Variants in CCDC141 observed in about 807,000 individuals in gnomAD.
CCDC141 encodes coiled-coil domain-containing protein 141.
A neutral mutation model predicts 181.0 loss-of-function variants in CCDC141; 168 were observed. That is an observed-to-expected ratio of 0.93 (90% CI 0.82 to 1.05). The LOEUF is 1.05. CCDC141 is among the 50% of genes least tolerant of loss of function. The probability of loss-of-function intolerance (pLI) is 0.00; values close to 1 mark genes in which losing one functional copy is unlikely to be tolerated. For missense variants in CCDC141, 1,902 were observed against 1,788.5 expected, an observed-to-expected ratio of 1.06 and a Z score of -1.14; for synonymous variants, 666 against 642.3, an observed-to-expected ratio of 1.04 and a Z score of -0.56.
chr2:178,834,116 C>T lies in CCDC141; in HGVS notation c.*57G>A, dbSNP rs370719611. On this transcript the variant is annotated 3_prime_UTR_variant, in exon 24 of 24. Transcript: ENST00000443758. ...TTTGCAGGAGGTGCAGGAAGATAAA[C>T]GGCGGCACTTTTCTTTAGGCACATG... The T allele has an allele frequency of 4.6e-5, 69 of 1,502,678 alleles. No homozygotes were observed. Among genetic ancestry groups the T allele is most frequent in the African/African-American group, 1.1e-4 (8 of 72,186 alleles). The allele number at this position is 1,502,678 out of a possible 1,614,324, so 93.1% of individuals were successfully genotyped here.
intron 2 of CCDC141, among the ~76,000 whole-genome samples, chr2:179,026,150 G>A (rs2042837188): frequency 6.6e-6 from 1 of 152,202 alleles, no homozygotes; most frequent in African/African-American, 2.4e-5. Flanking sequence ...TAAGTAATGA[G>A]GGGCCAAATG....
rs757976968 is a variant in CCDC141 at position 178,837,110 on chromosome 2, G to A, written c.4109C>T (p.Ser1370Leu). ...DRLHASSDAF[S>L]GLRFQSGTSR... ...GGTGCCTGATTGAAACCTGAGGCCCGAGAATGCATCAGAGGAAGCATGCAG... is the reference window on the plus strand; with the variant it reads ...GGTGCCTGATTGAAACCTGAGGCCCAAGAATGCATCAGAGGAAGCATGCAG... Residue 1370 changes from serine (S) to leucine (L), a missense_variant, in exon 23 of 24, where the codon TCG (serine) becomes TTG (leucine). By Grantham distance (145) the Ser-to-Leu change is moderately radical (BLOSUM62 -2). Transcript: ENST00000443758. 4.3e-5 allele frequency: 69 copies of A among 1,613,774 alleles called. No individual in the cohort carries two copies. The highest frequency in any genetic ancestry group is 5.7e-5 in the Non-Finnish European group (67 of 1,179,936).
intron 2 of CCDC141, among the ~76,000 whole-genome samples, chr2:179,041,591 A>T (rs139460522): frequency 4.7e-4 from 71 of 149,710 alleles, no homozygotes; most frequent in African/African-American, 1.6e-3. Context: ...ATGTAAATGG[A>T]AATGCCCCAA....
chr2:178,822,085 T>G, the CCDC141 span, among the ~76,000 whole-genome samples: 6 of 151,828 alleles, frequency 4.0e-5, no homozygotes, highest in Admixed American at 6.6e-5. Context: ...CCATAAAAAA[T>G]GATGAGTTCA....
intron 2 of CCDC141, among the ~76,000 whole-genome samples, chr2:179,018,163 G>A (rs952593416): frequency 1.3e-5 from 2 of 152,028 alleles, no homozygotes; most frequent in Admixed American, 6.6e-5. Context: ...TTTTATAGAC[G>A]TTGCACCACC....
intron 5 of CCDC141, among the ~76,000 whole-genome samples, chr2:178,949,880 CAAG>C (rs1479441892): frequency 6.6e-6 from 1 of 152,216 alleles, no homozygotes; most frequent in Non-Finnish European, 1.5e-5. Flanking sequence ...ACTCAGGCGG[CAAG>C]AAGGTGAACT....
chr2:179,033,252 T>C (rs1174208122), intron 2 of CCDC141, among the ~76,000 whole-genome samples: 1 of 151,776 alleles, frequency 6.6e-6, no homozygotes, highest in Non-Finnish European at 1.5e-5. Flanking sequence ...TAACAAAAAT[T>C]AATACAAATA....
chr2:178,947,082 C>G (rs999292779), intron 5 of CCDC141, among the ~76,000 whole-genome samples: 1 of 152,174 alleles, frequency 6.6e-6, no homozygotes, highest in Non-Finnish European at 1.5e-5. Flanking sequence ...GGGATGCACA[C>G]AAAATAGGCT....
intron 2 of CCDC141, among the ~76,000 whole-genome samples, chr2:179,017,781 T>A (rs969264581): frequency 9.2e-5 from 14 of 152,202 alleles, no homozygotes; most frequent in African/African-American, 3.4e-4. Context: ...AACTAGTTGT[T>A]TAAGGGAACA....
At chr2:178,946,203 C>T (rs1689725288) in intron 5 of CCDC141, among the ~76,000 whole-genome samples, 1 of 152,106 alleles carries the variant, frequency 6.6e-6, no homozygotes, top group Non-Finnish European at 1.5e-5. Context: ...CCACGATACA[C>T]AAGTATTGTG....
rs1185336692 is a variant in CCDC141 at position 178,894,779 on chromosome 2, T to C, written c.1266-6111A>G. On this transcript the variant is annotated intron_variant, in intron 8 of 23. Transcript: ENST00000443758. ...AGAGACTGCAAAGAGACCAAGAGGCTCCAACATTCTTCTAATAGAAGGTAT... is the reference window on the plus strand; with the variant it reads ...AGAGACTGCAAAGAGACCAAGAGGCCCCAACATTCTTCTAATAGAAGGTAT... 2.0e-5 allele frequency among the ~76,000 whole-genome samples: 3 copies of C among 151,512 alleles called. No homozygotes were observed. In the East Asian group the frequency reaches 5.8e-4, roughly 29 times the overall value.
intron 7 of CCDC141, among the ~76,000 whole-genome samples, chr2:178,918,351 T>G (rs918492846): frequency 4.6e-5 from 7 of 152,026 alleles, no homozygotes; most frequent in African/African-American, 1.7e-4. Flanking sequence ...GAGGCTGCAG[T>G]AAGCTATGAT....
At chr2:178,983,965 T>C (rs13428471) in intron 2 of CCDC141, among the ~76,000 whole-genome samples, 74,902 of 146,300 alleles carry the variant, frequency 0.51, 20,586 homozygotes, top group East Asian at 0.83. Flanking sequence ...ATACAGAGAA[T>C]GCCACAAAGA....
intron 6 of CCDC141, among the ~76,000 whole-genome samples, chr2:178,922,248 G>A (rs548950069): frequency 1.2e-4 from 18 of 152,184 alleles, no homozygotes; most frequent in Non-Finnish European, 2.5e-4. Context: ...ATATCCTTAT[G>A]AGGTAGGAAC....
intron 7 of CCDC141, among the ~76,000 whole-genome samples, chr2:178,911,521 A>G (rs1433531069): frequency 6.6e-6 from 1 of 152,224 alleles, no homozygotes. Context: ...TTAATACCCT[A>G]CAATTCCATT....
intron 2 of CCDC141, among the ~76,000 whole-genome samples, chr2:179,000,055 TACACAC>T (rs67309651): frequency 0.17 from 25,067 of 144,096 alleles, 2,257 homozygotes; most frequent in Admixed American, 0.28. Flanking sequence ...TTCATCACCA[TACACAC>T]ACACACACAC....
chr2:178,852,075 A>G (rs1246306824), intron 20 of CCDC141, among the ~76,000 whole-genome samples: 1 of 152,212 alleles, frequency 6.6e-6, no homozygotes, highest in Non-Finnish European at 1.5e-5. Flanking sequence ...GTGCCATTAG[A>G]CAGTGAACTA....
intron 5 of CCDC141, among the ~76,000 whole-genome samples, chr2:178,948,390 T>C (rs560230147): frequency 1.3e-3 from 199 of 152,316 alleles, no homozygotes; most frequent in South Asian, 3.9e-3. Context: ...TATTATTGGA[T>C]GGTTCTCCAA....
At chr2:178,999,699 C>T (rs902546656) in intron 2 of CCDC141, among the ~76,000 whole-genome samples, 12 of 152,160 alleles carry the variant, frequency 7.9e-5, no homozygotes, top group African/African-American at 2.4e-4. Context: ...CCTGACACTC[C>T]TATGGTCTAT....
Sources: gnomAD v4.1 joint callset for allele counts (sites outside exome capture counted in the v4.1 genomes callset) on GRCh38, gnomAD v4.1.1 for gene constraint, MANE v1.5 for transcripts, NCBI Gene and HGNC (gene_info 2026-07-23, HGNC 2026-07-21) for gene names.